PPP2R2B: variants seen among roughly 807,000 people sequenced by gnomAD.
The protein encoded by PPP2R2B is serine/threonine-protein phosphatase 2A 55 kDa regulatory subunit B beta isoform.
PPP2R2B carries 5 observed loss-of-function variants against 46.0 expected under a neutral mutation model. The ratio of observed to expected loss-of-function variants is 0.11; its 90% CI spans 0.06 to 0.23. PPP2R2B has a LOEUF of 0.23. Among genes scored for constraint, PPP2R2B ranks in the 10% least tolerant of loss-of-function variants. PPP2R2B has a pLI of 1.00. For missense variants in PPP2R2B, 367 were observed against 575.0 expected (o/e 0.64, Z 3.70); for synonymous variants, 215 against 206.7 (o/e 1.04, Z -0.34).
chr5:146,653,329 T>C (rs1776102321), intron 5 of PPP2R2B, among the ~76,000 whole-genome samples: 1 of 152,226 alleles, frequency 6.6e-6, no homozygotes, highest in Non-Finnish European at 1.5e-5. Context: ...CTGGTAGTTA[T>C]AATGGTAGTG....
intron 2 of PPP2R2B, among the ~76,000 whole-genome samples, chr5:147,070,287 A>G (rs1480353883): frequency 1.3e-5 from 2 of 152,192 alleles, no homozygotes; most frequent in African/African-American, 2.4e-5. Flanking sequence ...ATAAAATTCA[A>G]TATTCTTACC....
chr5:146,774,838 G>T (rs1373939719), intron 2 of PPP2R2B, among the ~76,000 whole-genome samples: 1 of 148,996 alleles, frequency 6.7e-6, no homozygotes. Context: ...AAAAAGAAAA[G>T]AGAGAGAATA....
At chr5:147,030,994 T>C (rs1755751652) in intron 1 of PPP2R2B, among the ~76,000 whole-genome samples, 1 of 152,144 alleles carries the variant, frequency 6.6e-6, no homozygotes, top group South Asian at 2.1e-4. Context: ...CCCAGCACTT[T>C]GAGAGGCCAA....
intron 2 of PPP2R2B, among the ~76,000 whole-genome samples, chr5:146,850,891 A>C (rs150575903): frequency 6.6e-6 from 1 of 152,290 alleles, no homozygotes; most frequent in African/African-American, 2.4e-5. Context: ...AAAAATGACC[A>C]CGCAATCTAT....
intron 2 of PPP2R2B, among the ~76,000 whole-genome samples, chr5:146,864,781 G>A (rs978444452): frequency 2.6e-5 from 4 of 152,088 alleles, no homozygotes; most frequent in African/African-American, 7.2e-5. Context: ...TTCAATGGCT[G>A]TATCTTTAAG....
At chr5:146,764,116 A>T (rs1754325044) in intron 2 of PPP2R2B, among the ~76,000 whole-genome samples, 1 of 152,122 alleles carries the variant, frequency 6.6e-6, no homozygotes, top group Non-Finnish European at 1.5e-5. Flanking sequence ...CCAGCTCAAC[A>T]CAGAGAAGAT....
At chr5:146,840,798 C>T (rs1009244765) in intron 2 of PPP2R2B, among the ~76,000 whole-genome samples, 1 of 152,150 alleles carries the variant, frequency 6.6e-6, no homozygotes, top group Non-Finnish European at 1.5e-5. Flanking sequence ...CAGAACTGCT[C>T]ATTCTAAAAC....
intron 2 of PPP2R2B, among the ~76,000 whole-genome samples, chr5:146,701,547 G>A (rs1779537593): frequency 6.6e-6 from 1 of 152,158 alleles, no homozygotes; most frequent in African/African-American, 2.4e-5. Context: ...ATTCAAATCA[G>A]GGCTGGGGGC....
intron 2 of PPP2R2B, among the ~76,000 whole-genome samples, chr5:146,793,167 T>C (rs1756316967): frequency 6.6e-6 from 1 of 152,218 alleles, no homozygotes; most frequent in African/African-American, 2.4e-5. Context: ...GAATAAAGAA[T>C]GACTGCAAGG....
intron 2 of PPP2R2B, among the ~76,000 whole-genome samples, chr5:146,782,568 C>A (rs747893127): frequency 2.0e-5 from 3 of 152,168 alleles, no homozygotes; most frequent in African/African-American, 4.8e-5. Flanking sequence ...TTTGCTCTCT[C>A]TTGATTTTTA....
intron 2 of PPP2R2B, among the ~76,000 whole-genome samples, chr5:147,077,312 C>CA (rs1561616474): frequency 8.2e-5 from 10 of 121,608 alleles, no homozygotes; most frequent in African/African-American, 3.2e-4. Flanking sequence ...ACACACACAC[C>CA]CACACCCACA....
chr5:147,022,008 TA>T lies in PPP2R2B; in HGVS notation c.79+33656del, dbSNP rs929857008. 1.1e-3 allele frequency among the ~76,000 whole-genome samples: 165 copies of T among 152,060 alleles called. 1 individual carries two copies. The highest frequency in any genetic ancestry group is 3.9e-3 in the African/African-American group (160 of 41,478). ...AAATACCTAAAGGAACTTCCGGAGT[TA>T]AAAAATACAGTGTTTGAGATGAAAT... On this transcript the variant is annotated intron_variant, in intron 1 of 8. Coordinates refer to the PPP2R2B transcript ENST00000336640.
intron 1 of PPP2R2B, among the ~76,000 whole-genome samples, chr5:146,930,153 C>T (rs1002905833): frequency 3.3e-5 from 5 of 151,964 alleles, no homozygotes; most frequent in Non-Finnish European, 2.9e-5. Flanking sequence ...GAATGGAGGG[C>T]CGCTTTAGAT....
chr5:146,801,642 G>A (rs1756873290), intron 2 of PPP2R2B, among the ~76,000 whole-genome samples: 1 of 152,142 alleles, frequency 6.6e-6, no homozygotes, highest in African/African-American at 2.4e-5. Context: ...TTGGCTGTAG[G>A]ACCTTAGGCA....
intron 1 of PPP2R2B, among the ~76,000 whole-genome samples, chr5:147,009,898 C>CACACACCCACACAT (rs781463815): frequency 6.9e-6 from 1 of 145,520 alleles, no homozygotes; most frequent in South Asian, 2.2e-4. Flanking sequence ...CACACACACA[C>CACACACCCACACAT]ATATATATAT....
At chr5:146,937,618 T>C (rs1353870945) in intron 1 of PPP2R2B, among the ~76,000 whole-genome samples, 1 of 151,634 alleles carries the variant, frequency 6.6e-6, no homozygotes. Flanking sequence ...TGAGCAGGGG[T>C]TGGCCATGTA....
intron 1 of PPP2R2B, among the ~76,000 whole-genome samples, chr5:146,969,761 T>C (rs556415275): frequency 5.9e-5 from 9 of 152,212 alleles, no homozygotes; most frequent in Non-Finnish European, 1.0e-4. Context: ...TCAAGAATGA[T>C]ACTCAGATTT....
At chr5:147,029,385 T>C (rs1208556755) in intron 1 of PPP2R2B, among the ~76,000 whole-genome samples, 2 of 152,202 alleles carry the variant, frequency 1.3e-5, no homozygotes, top group South Asian at 2.1e-4. Context: ...CACCATTTAT[T>C]GAAAAGACCA....
intron 5 of PPP2R2B, among the ~76,000 whole-genome samples, chr5:146,685,088 T>C (rs1778407950): frequency 6.6e-6 from 1 of 152,204 alleles, no homozygotes; most frequent in Admixed American, 6.5e-5. Context: ...GTACAGTGTG[T>C]AGCATAGTAG....
Sources: gnomAD v4.1 joint callset for allele counts (sites outside exome capture counted in the v4.1 genomes callset) on GRCh38, gnomAD v4.1.1 for gene constraint, MANE v1.5 for transcripts, NCBI Gene and HGNC (gene_info 2026-07-23, HGNC 2026-07-21) for gene names.